The following OSBPL10 variants were observed in gnomAD, a reference collection of about 807,000 sequenced individuals.
OSBPL10 encodes the protein oxysterol binding protein like 10, also known as oxysterol-binding protein-related protein 10.
In OSBPL10, 49 loss-of-function variants were observed where a neutral mutation model predicts 81.7. That is an observed-to-expected ratio of 0.60 (90% CI 0.48 to 0.76). The LOEUF is 0.76. Ranked by LOEUF, OSBPL10 falls within the 30% of genes least tolerant of loss-of-function variation. The pLI is 0.00. For missense variants in OSBPL10, 923 were observed against 987.8 expected, an observed-to-expected ratio of 0.93 and a Z score of 0.88; for synonymous variants, 419 against 383.6, an observed-to-expected ratio of 1.09 and a Z score of -1.08.
At chr3:31,967,238 T>C (rs1003620142) in intron 1 of OSBPL10, among the ~76,000 whole-genome samples, 3 of 152,162 alleles carry the variant, frequency 2.0e-5, no homozygotes, top group African/African-American at 7.2e-5. Context: ...TCCAGGTTTT[T>C]TGTTTGATTG....
At chr3:31,843,223 G>C (rs981792417) in intron 3 of OSBPL10, among the ~76,000 whole-genome samples, 4 of 152,236 alleles carry the variant, frequency 2.6e-5, no homozygotes, top group Non-Finnish European at 5.9e-5. Context: ...GCATGCAAGA[G>C]AGAGTTAACC....
intron 4 of OSBPL10, among the ~76,000 whole-genome samples, chr3:31,820,240 CTAT>C (rs1264753786): frequency 6.6e-6 from 1 of 152,040 alleles, no homozygotes; most frequent in Admixed American, 6.6e-5. Flanking sequence ...GTAGTAATAG[CTAT>C]TATTATTAAT....
At chr3:31,917,741 CTT>C (rs1696798750) in intron 1 of OSBPL10, among the ~76,000 whole-genome samples, 2 of 149,980 alleles carry the variant, frequency 1.3e-5, no homozygotes, top group South Asian at 2.2e-4. Flanking sequence ...CTAACGCACT[CTT>C]TTTTCCTCTT....
chr3:32,044,655 G>A (rs904101711), intron 2 of OSBPL10, among the ~76,000 whole-genome samples: 147 of 148,450 alleles, frequency 9.9e-4, no homozygotes, highest in Non-Finnish European at 1.2e-3. Flanking sequence ...GCAGGAGAAT[G>A]GCTTGAACCC....
At chr3:31,671,673 C>T (rs1428490250) in intron 8 of OSBPL10, among the ~76,000 whole-genome samples, 4 of 152,282 alleles carry the variant, frequency 2.6e-5, no homozygotes, top group South Asian at 2.1e-4. Context: ...TTACTGCCCA[C>T]GCACTTCCAG....
intron 2 of OSBPL10, among the ~76,000 whole-genome samples, 153 bp from the exon 3 acceptor site, chr3:31,876,665 G>C (rs1052280713): frequency 6.6e-6 from 1 of 152,212 alleles, no homozygotes; most frequent in Non-Finnish European, 1.5e-5. Context: ...ACGTTCTCAA[G>C]CGGCCTGTAC....
At chr3:31,920,365 A>G (rs1261146309) in intron 1 of OSBPL10, among the ~76,000 whole-genome samples, 1 of 152,224 alleles carries the variant, frequency 6.6e-6, no homozygotes, top group Non-Finnish European at 1.5e-5. Flanking sequence ...GCCTGTGACA[A>G]AAGAATCTAA....
chr3:31,788,184 G>T (rs1386372460), intron 4 of OSBPL10, among the ~76,000 whole-genome samples: 1 of 152,176 alleles, frequency 6.6e-6, no homozygotes, highest in African/African-American at 2.4e-5. Context: ...TCAGCAATCT[G>T]ACCCTGGCAG....
chr3:32,056,394 A>T (rs533892106), intron 1 of OSBPL10, among the ~76,000 whole-genome samples: 1 of 152,368 alleles, frequency 6.6e-6, no homozygotes, highest in South Asian at 2.1e-4. Flanking sequence ...TGCCCAGTTC[A>T]TGGAAAGCCT....
chr3:31,717,825 T>C (rs1340947646), intron 6 of OSBPL10, among the ~76,000 whole-genome samples: 2 of 152,234 alleles, frequency 1.3e-5, no homozygotes, highest in Admixed American at 1.3e-4. Flanking sequence ...AGGCTCACTA[T>C]GTCCTCTGCT....
At chr3:31,801,152 A>G (rs1023447384) in intron 4 of OSBPL10, among the ~76,000 whole-genome samples, 2 of 152,194 alleles carry the variant, frequency 1.3e-5, no homozygotes, top group Admixed American at 6.5e-5. Context: ...ACTGTCAGGT[A>G]CAAGAACCAA....
intron 3 of OSBPL10, among the ~76,000 whole-genome samples, chr3:31,861,021 T>A (rs1334955240): frequency 6.6e-6 from 1 of 152,134 alleles, no homozygotes; most frequent in East Asian, 1.9e-4. Flanking sequence ...AATACCTTAG[T>A]TCTTAAGTCT....
At chr3:31,819,189 C>T (rs1270812481) in intron 4 of OSBPL10, among the ~76,000 whole-genome samples, 1 of 152,116 alleles carries the variant, frequency 6.6e-6, no homozygotes, top group East Asian at 1.9e-4. Context: ...GAGGCTCCCC[C>T]GCTGATACCC....
chr3:31,966,656 C>T (rs763469881), intron 1 of OSBPL10, among the ~76,000 whole-genome samples: 48 of 151,998 alleles, frequency 3.2e-4, no homozygotes, highest in Non-Finnish European at 6.2e-4. Flanking sequence ...ACTCTACATA[C>T]CTAAATTCAA....
At position 31,671,014 on chromosome 3, in the gene OSBPL10, T is replaced by G. The variant is rs772469397; in HGVS notation, c.1727-31A>C. Reference sequence around the variant, plus strand: ...GGGAGAGAGGAGGGAGAGTTAGGCATGCAAACATGTGAAGAGGGCACTGGG... The same window carrying G: ...GGGAGAGAGGAGGGAGAGTTAGGCAGGCAAACATGTGAAGAGGGCACTGGG... On this transcript the variant is annotated intron_variant, in intron 8 of 11. Transcript: ENST00000396556. 1.1e-5 allele frequency: 17 copies of G among 1,567,682 alleles called. No homozygotes were observed. The Admixed American group carries it at 1.1e-4, about 10-fold the overall frequency.
intron 1 of OSBPL10, among the ~76,000 whole-genome samples, chr3:31,961,920 T>TTA (rs35707470): frequency 0.23 from 34,841 of 149,596 alleles, 4,480 homozygotes; most frequent in South Asian, 0.33. Context: ...TTTTTTTTTT[T>TTA]AAGAGTTTTT....
chr3:31,670,881 T>C lies in OSBPL10; in HGVS notation c.1829A>G (p.Lys610Arg). ...AGTCTTGGCACAGTTGATGCTGACT[T>C]TTCCTCCGAGCTCCACCCACGGGAT... is the stretch of plus-strand genomic sequence containing the variant. ...LTIPWVELGG[K>R]VSINCAKTGY... The change falls in exon 9 of 12, where the codon AAA becomes AGA. Residue 610 changes from lysine to arginine, a missense_variant. Lys to Arg is a conservative substitution (Grantham distance 26). Around this residue, in one of 3 missense-constraint regions of OSBPL10, gnomAD observed 387 missense variants for 436.3 expected, o/e 0.89. Coordinates refer to ENST00000396556, the MANE Select transcript of OSBPL10 (RefSeq NM_017784.5). 1 of 1,614,128 alleles carries C rather than the reference T, an allele frequency of 6.2e-7. No homozygotes were observed. The highest frequency in any genetic ancestry group is 1.1e-5 in the South Asian group (1 of 91,084).
chr3:31,991,129 T>A, intron 2 of OSBPL10: 1 of 796,882 alleles, frequency 1.3e-6, no homozygotes. Flanking sequence ...GTTCAAGCAT[T>A]AATTGACATT....
chr3:31,696,327 A>C (rs1695719204), intron 7 of OSBPL10, among the ~76,000 whole-genome samples: 1 of 152,152 alleles, frequency 6.6e-6, no homozygotes, highest in Non-Finnish European at 1.5e-5. Context: ...CATCTTAAGA[A>C]ACCAAATCTC....
Sources: gnomAD v4.1 joint callset for allele counts (sites outside exome capture counted in the v4.1 genomes callset) on GRCh38, gnomAD v4.1.1 for gene constraint, gnomAD v4.1.1 regional missense constraint, MANE v1.5 for transcripts, NCBI Gene and HGNC (gene_info 2026-07-23, HGNC 2026-07-21) for gene names.